The following NCOA2 variants were observed in gnomAD, a reference collection of about 807,000 sequenced individuals.
The protein encoded by NCOA2 is nuclear receptor coactivator 2.
In NCOA2, 21 loss-of-function variants were observed where a neutral mutation model predicts 145.1. The ratio of observed to expected loss-of-function variants is 0.14; its 90% confidence interval spans 0.10 to 0.21. The LOEUF (loss-of-function observed/expected upper bound fraction) is 0.21, where lower values mean the gene tolerates loss of function less well. Among genes scored for constraint, NCOA2 ranks in the 10% least tolerant of loss-of-function variants. The pLI, the probability that NCOA2 is intolerant of heterozygous loss-of-function variation, is 1.00. For synonymous variants in NCOA2, 619 were observed against 637.5 expected (o/e 0.97, Z 0.44); for missense variants, 1,472 against 1,837.6 (o/e 0.80, Z 3.64).
intron 2 of NCOA2, among the ~76,000 whole-genome samples, chr8:70,227,414 C>G (rs1269518753): frequency 6.6e-6 from 1 of 152,178 alleles, no homozygotes; most frequent in Non-Finnish European, 1.5e-5. Context: ...GTAAATAATG[C>G]TTCCTTTCTA....
At chr8:70,208,046 T>C (rs895211127) in intron 4 of NCOA2, among the ~76,000 whole-genome samples, 4 of 151,702 alleles carry the variant, frequency 2.6e-5, no homozygotes, top group African/African-American at 7.3e-5. Flanking sequence ...AGCTTAAGAG[T>C]TCGAGACCAG....
intron 2 of NCOA2, among the ~76,000 whole-genome samples, chr8:70,223,527 A>G (rs1002494931): frequency 6.6e-6 from 1 of 152,160 alleles, no homozygotes; most frequent in Non-Finnish European, 1.5e-5. Flanking sequence ...CCACAATTTG[A>G]TATGTATGTA....
At chr8:70,349,487 T>C (rs992637272) in intron 1 of NCOA2, among the ~76,000 whole-genome samples, 1 of 152,082 alleles carries the variant, frequency 6.6e-6, no homozygotes, top group African/African-American at 2.4e-5. Flanking sequence ...TGTATAATCA[T>C]GTCAATAGAT....
chr8:70,118,295 A>G (rs915799302), intron 22 of NCOA2, among the ~76,000 whole-genome samples: 1 of 152,198 alleles, frequency 6.6e-6, no homozygotes, highest in South Asian at 2.1e-4. Context: ...TGGGAGCCCA[A>G]TTATCAGTAA....
the NCOA2 span, among the ~76,000 whole-genome samples, chr8:70,427,557 A>G: frequency 6.6e-6 from 1 of 152,170 alleles, no homozygotes; most frequent in Non-Finnish European, 1.5e-5. Context: ...AGCCCCAAGC[A>G]AATAGCTCGA....
chr8:70,159,234 A>G (rs1334012570), intron 10 of NCOA2, among the ~76,000 whole-genome samples: 3 of 77,420 alleles, frequency 3.9e-5, no homozygotes, highest in South Asian at 6.3e-4. Flanking sequence ...ATATATATAT[A>G]TATATATATT....
At chr8:70,171,861 T>C (rs1329601420) in intron 5 of NCOA2, among the ~76,000 whole-genome samples, 3 of 151,686 alleles carry the variant, frequency 2.0e-5, no homozygotes, top group Admixed American at 6.6e-5. Flanking sequence ...TCTCACTCTG[T>C]TGCATAGGCT....
chr8:70,200,010 C>T (rs1382672250), intron 4 of NCOA2, among the ~76,000 whole-genome samples: 1 of 152,038 alleles, frequency 6.6e-6, no homozygotes, highest in African/African-American at 2.4e-5. Flanking sequence ...TTTCTTTTTC[C>T]CCCCTTGTCA....
At position 70,159,660 on chromosome 8, in the gene NCOA2, C is replaced by CA. The variant is rs1214061558; in HGVS notation, c.977-9dup. 6.3e-7 allele frequency: 1 copy of CA among 1,599,608 alleles called. No individual in the cohort carries two copies. The highest frequency in any genetic ancestry group is 1.1e-5 in the South Asian group (1 of 89,892). On this transcript the variant is annotated splice_polypyrimidine_tract_variant and intron_variant, in intron 9 of 22. Transcript: ENST00000452400. ...CCAATCCTTGTCTCAGTACTGCAGG[C>CA]AAGCAAGGAAACAGAAGGCACGTTT...
chr8:70,243,825 G>A (rs1054597466), intron 2 of NCOA2, among the ~76,000 whole-genome samples: 156 of 147,856 alleles, frequency 1.1e-3, no homozygotes, highest in African/African-American at 3.6e-3. Flanking sequence ...GGGAGAATAC[G>A]ATAGTTAAAA....
chr8:70,144,753 G>A lies in NCOA2; in HGVS notation c.2701C>T (p.Pro901Ser), dbSNP rs1810829486. 6.2e-7 allele frequency: 1 copy of A among 1,613,926 alleles called. No individual in the cohort carries two copies. The highest frequency in any genetic ancestry group is 1.7e-5 in the Admixed American group (1 of 60,022). ...CTACTGTTTCTGATTGGTGGGAAAG[G>A]TCCAGCACCAGTTGGGCTTTGCAAT... The part of the protein sequence containing the change: ...ITLQSPTGAG[P>S]FPPIRNSSPY... The change falls in exon 13 of 23, where the codon CCT (proline) becomes TCT (serine). Residue 901 changes from proline to serine, a missense_variant. Transcript: ENST00000452400.
upstream of NCOA2, among the ~76,000 whole-genome samples, chr8:70,404,271 CA>C (rs1224536634): frequency 6.6e-6 from 1 of 151,978 alleles, no homozygotes; most frequent in Non-Finnish European, 1.5e-5. Context: ...AGGGCAATGC[CA>C]AAAAGAAAAC....
intron 2 of NCOA2, among the ~76,000 whole-genome samples, chr8:70,222,058 C>T (rs551350046): frequency 1.3e-5 from 2 of 152,032 alleles, no homozygotes; most frequent in South Asian, 4.2e-4. Context: ...TTTTAATTTG[C>T]CTCACATACT....
intron 6 of NCOA2, among the ~76,000 whole-genome samples, chr8:70,168,086 G>A (rs1310825469): frequency 2.0e-5 from 3 of 152,184 alleles, no homozygotes; most frequent in Non-Finnish European, 4.4e-5. Flanking sequence ...CCAGTCATCA[G>A]CTAAAGAAAA....
chr8:70,222,297 G>T (rs1183620196), intron 2 of NCOA2, among the ~76,000 whole-genome samples: 5 of 152,144 alleles, frequency 3.3e-5, no homozygotes, highest in African/African-American at 1.2e-4. Context: ...ATTAGGATAT[G>T]ATTTTTCAAT....
intron 1 of NCOA2, among the ~76,000 whole-genome samples, chr8:70,360,868 A>G (rs986918387): frequency 3.3e-5 from 5 of 151,184 alleles, no homozygotes; most frequent in Non-Finnish European, 4.4e-5. Context: ...AACCTGGGAG[A>G]AGGAGATTAC....
At chr8:70,162,924 T>TTTC (rs1193793070) in intron 8 of NCOA2, 70 bp from the exon 9 acceptor site, 12 of 1,437,246 alleles carry the variant, frequency 8.3e-6, no homozygotes, top group Middle Eastern at 2.4e-4. Context: ...TTTTTTTTTT[T>TTTC]TTTTTTTTGA....
chr8:70,154,725 A>C (rs886103712), intron 11 of NCOA2, among the ~76,000 whole-genome samples: 3 of 152,176 alleles, frequency 2.0e-5, no homozygotes, highest in African/African-American at 7.2e-5. Flanking sequence ...TTTAATAAAG[A>C]AAAATAGCTT....
At chr8:70,169,076 A>G (rs1162719171) in intron 6 of NCOA2, among the ~76,000 whole-genome samples, 1 of 152,200 alleles carries the variant, frequency 6.6e-6, no homozygotes, top group African/African-American at 2.4e-5. Flanking sequence ...GTACTTGCCA[A>G]CTCAGGATTT....
Sources: gnomAD v4.1 joint callset for allele counts (sites outside exome capture counted in the v4.1 genomes callset) on GRCh38, gnomAD v4.1.1 for gene constraint, MANE v1.5 for transcripts, NCBI Gene and HGNC (gene_info 2026-07-23, HGNC 2026-07-21) for gene names.